The following KCNN2 variants were observed in gnomAD, a reference collection of about 807,000 sequenced individuals.
The protein encoded by KCNN2 is small conductance calcium-activated potassium channel protein 2.
Under a neutral mutation model 55.5 loss-of-function variants are expected in KCNN2, and 24 were observed. The ratio of observed to expected loss-of-function variants is 0.43; its 90% confidence interval spans 0.31 to 0.61. The LOEUF is 0.61. Among genes scored for constraint, KCNN2 ranks in the 20% least tolerant of loss-of-function variants. The pLI is 0.08. For missense variants in KCNN2, 754 were observed against 853.6 expected (o/e 0.88, Z 1.45); for synonymous variants, 431 against 336.1 (o/e 1.28, Z -3.09).
At chr5:114,208,734 A>G (rs951181393) in intron 1 of KCNN2, among the ~76,000 whole-genome samples, 4 of 152,138 alleles carry the variant, frequency 2.6e-5, no homozygotes, top group African/African-American at 9.7e-5. Context: ...TGTGTTCAAA[A>G]CCGTTCCACT....
chr5:114,125,484 T>A (rs559928167), intron 1 of KCNN2, among the ~76,000 whole-genome samples: 1 of 152,262 alleles, frequency 6.6e-6, no homozygotes, highest in African/African-American at 2.4e-5. Context: ...CTAAAGCAAG[T>A]AGGAAAGCTC....
intron 1 of KCNN2, among the ~76,000 whole-genome samples, chr5:114,059,432 G>A (rs1022722075): frequency 6.6e-6 from 1 of 152,194 alleles, no homozygotes; most frequent in Admixed American, 6.5e-5. Context: ...TGAGCATATA[G>A]GTGATATAGT....
intron 3 of KCNN2, among the ~76,000 whole-genome samples, chr5:114,405,365 T>G (rs1214517124): frequency 6.6e-6 from 1 of 152,228 alleles, no homozygotes; most frequent in Non-Finnish European, 1.5e-5. Context: ...CGTATTAGTT[T>G]GTACTGAACT....
intron 3 of KCNN2, among the ~76,000 whole-genome samples, chr5:114,413,198 A>T (rs758090619): frequency 6.6e-6 from 1 of 152,186 alleles, no homozygotes; most frequent in Non-Finnish European, 1.5e-5. Flanking sequence ...AAAGTCTTTT[A>T]TGGAAAGAAA....
intron 4 of KCNN2, 91 bp from the exon 5 acceptor site, chr5:114,472,963 C>T (rs1373078179): frequency 5.9e-6 from 4 of 675,406 alleles, no homozygotes; most frequent in Non-Finnish European, 9.8e-6. Context: ...TCCTGAGAAA[C>T]TTTTGCATTT....
At chr5:114,473,318 A>AAT in intron 5 of KCNN2, 154 bp downstream of exon 5, 1 of 632,278 alleles carries the variant, frequency 1.6e-6, no homozygotes, top group Non-Finnish European at 2.8e-6. Flanking sequence ...ACATTTTGAG[A>AAT]ATAGACTATT....
intron 1 of KCNN2, among the ~76,000 whole-genome samples, chr5:114,210,219 G>A (rs1753854851): frequency 6.6e-6 from 1 of 152,142 alleles, no homozygotes; most frequent in South Asian, 2.1e-4. Flanking sequence ...AAATATTTGT[G>A]TTGGATAAGC....
At chr5:114,430,443 T>G (rs1048074271) in intron 3 of KCNN2, among the ~76,000 whole-genome samples, 4 of 152,100 alleles carry the variant, frequency 2.6e-5, no homozygotes, top group Admixed American at 1.3e-4. Flanking sequence ...AGTAATAGAC[T>G]TGGATATTAT....
chr5:114,384,906 G>C (rs995594549), intron 2 of KCNN2, among the ~76,000 whole-genome samples: 1 of 152,142 alleles, frequency 6.6e-6, no homozygotes, highest in South Asian at 2.1e-4. Flanking sequence ...AATAAATTAT[G>C]AGTCCTTAAG....
At chr5:114,348,120 C>T (rs145152895) in intron 2 of KCNN2, among the ~76,000 whole-genome samples, 1 of 152,200 alleles carries the variant, frequency 6.6e-6, no homozygotes, top group African/African-American at 2.4e-5. Flanking sequence ...TGCCAACTCT[C>T]AAAACTGAGA....
rs115064482 is a variant in KCNN2, at chr5:114,177,855, C to G, written c.-270-43625C>G. Among the ~76,000 whole-genome samples the G allele has an allele frequency of 4.0e-3, 602 of 152,046 alleles. 1 individual carries two copies. Among genetic ancestry groups the G allele is most frequent in the Non-Finnish European group, 6.4e-3 (437 of 67,952 alleles). On this transcript the variant is annotated intron_variant, in intron 1 of 10. Transcript: ENST00000512097. ...AGGAAAGACAAGAAAAGGAAACAAACCATTTTGATCAATTAGACATCGGAT... is the reference window on the plus strand; with the variant it reads ...AGGAAAGACAAGAAAAGGAAACAAAGCATTTTGATCAATTAGACATCGGAT...
chr5:114,119,475 A>G (rs1434631976), intron 1 of KCNN2, among the ~76,000 whole-genome samples: 1 of 152,196 alleles, frequency 6.6e-6, no homozygotes, highest in East Asian at 1.9e-4. Flanking sequence ...ATCTGTCCTC[A>G]GCATATCTAG....
rs149973367 is a variant in KCNN2 at position 114,371,287 on chromosome 5, G to A, written c.1218+7286G>A. On this transcript the variant is annotated intron_variant, in intron 2 of 7. Transcript: ENST00000673685. ...GTCTGTACCGGATATTTAAATTTGG[G>A]AGTTATCAGCACAGAGACTATTTAA... is the stretch of plus-strand genomic sequence containing the variant. Among the ~76,000 whole-genome samples, 755 of 152,248 alleles carry A rather than the reference G, an allele frequency of 5.0e-3. 11 individuals are homozygous for A. Among genetic ancestry groups the A allele is most frequent in the African/African-American group, 0.017 (707 of 41,550 alleles).
intron 1 of KCNN2, among the ~76,000 whole-genome samples, chr5:114,184,684 T>C (rs1226040275): frequency 6.6e-6 from 1 of 152,190 alleles, no homozygotes; most frequent in Non-Finnish European, 1.5e-5. Context: ...TGATTCTTTT[T>C]TATTTTAGGA....
At chr5:114,255,503 A>G (rs1209015060) in intron 2 of KCNN2, among the ~76,000 whole-genome samples, 1 of 152,318 alleles carries the variant, frequency 6.6e-6, no homozygotes, top group Non-Finnish European at 1.5e-5. Context: ...GGTGAGAGAG[A>G]AACACATGAT....
At chr5:114,340,880 CTTCTG>C (rs1757003787) in intron 2 of KCNN2, among the ~76,000 whole-genome samples, 1 of 152,176 alleles carries the variant, frequency 6.6e-6, no homozygotes, top group South Asian at 2.1e-4. Flanking sequence ...CCATTCTACT[CTTCTG>C]TTTATGAGTT....
rs547366134 is a variant in KCNN2, at chr5:114,413,129, A to G, written c.1637+8273A>G. ...GGCAGTTTGAAAGCATTCATCCTGC[A>G]TCTGTGACTTGCAAAACATCAATGC... On this transcript the variant is annotated intron_variant, in intron 3 of 7. Transcript: ENST00000673685. Among the ~76,000 whole-genome samples, 8 of 152,340 alleles carry G rather than the reference A, an allele frequency of 5.3e-5. No individual in the cohort carries two copies. The South Asian group carries it at 1.7e-3, about 32-fold the overall frequency.
intron 1 of KCNN2, among the ~76,000 whole-genome samples, chr5:114,184,709 C>T (rs1012847794): frequency 3.3e-5 from 5 of 152,056 alleles, no homozygotes; most frequent in African/African-American, 4.8e-5. Context: ...ATGAGATAAA[C>T]GATGCAAAAT....
chr5:114,387,579 A>T (rs975072962), intron 2 of KCNN2, among the ~76,000 whole-genome samples: 6 of 152,200 alleles, frequency 3.9e-5, no homozygotes, highest in African/African-American at 1.4e-4. Context: ...CTTTGGGCTC[A>T]TGTATCACAT....
Sources: gnomAD v4.1 joint callset for allele counts (sites outside exome capture counted in the v4.1 genomes callset) on GRCh38, gnomAD v4.1.1 for gene constraint, MANE v1.5 for transcripts, NCBI Gene and HGNC (gene_info 2026-07-23, HGNC 2026-07-21) for gene names.